The following XKR4 variants were observed in gnomAD, a reference collection of about 807,000 sequenced individuals.
XKR4 encodes the protein XK related 4.
Under a neutral mutation model 53.9 loss-of-function variants are expected in XKR4, and 12 were observed. That is an observed-to-expected ratio of 0.22 (90% CI 0.14 to 0.36). The LOEUF (loss-of-function observed/expected upper bound fraction) is 0.36. Ranked by LOEUF, XKR4 falls within the 10% of genes least tolerant of loss-of-function variation. XKR4 has a pLI of 1.00. For missense variants in XKR4, 799 were observed against 859.5 expected (o/e 0.93, Z 0.88); for synonymous variants, 354 against 362.4 (o/e 0.98, Z 0.26).
chr8:55,475,070 C>T (rs1805957869), intron 2 of XKR4, among the ~76,000 whole-genome samples: 1 of 152,050 alleles, frequency 6.6e-6, no homozygotes, highest in African/African-American at 2.4e-5. Flanking sequence ...CTTATAAATA[C>T]ATGCAAAATA....
At chr8:55,283,214 G>T (rs1162454014) in intron 1 of XKR4, among the ~76,000 whole-genome samples, 5 of 152,200 alleles carry the variant, frequency 3.3e-5, no homozygotes, top group Admixed American at 3.3e-4. Context: ...AGTGATGCAT[G>T]ACTGTAATAA....
chr8:55,224,391 G>T (rs925350836), intron 1 of XKR4, among the ~76,000 whole-genome samples: 1 of 152,126 alleles, frequency 6.6e-6, no homozygotes, highest in African/African-American at 2.4e-5. Flanking sequence ...ATTTGCAAAC[G>T]GATATATTAA....
chr8:55,112,254 C>T (rs1816242173), intron 1 of XKR4, among the ~76,000 whole-genome samples: 1 of 152,082 alleles, frequency 6.6e-6, no homozygotes, highest in Non-Finnish European at 1.5e-5. Context: ...CCATATTTCC[C>T]TGTTGGGGAA....
intron 1 of XKR4, among the ~76,000 whole-genome samples, chr8:55,269,247 T>A (rs1055673500): frequency 6.6e-6 from 1 of 152,218 alleles, no homozygotes; most frequent in African/African-American, 2.4e-5. Context: ...ATTTGTTTAT[T>A]TTGTGGTCTC....
intron 2 of XKR4, among the ~76,000 whole-genome samples, chr8:55,465,804 A>T (rs1475557420): frequency 6.6e-6 from 1 of 151,960 alleles, no homozygotes; most frequent in Non-Finnish European, 1.5e-5. Flanking sequence ...AAAACAAACA[A>T]CCCCATCAAA....
chr8:55,289,637 GAAAGAAAGA>G (rs1563316429), intron 1 of XKR4, among the ~76,000 whole-genome samples: 50 of 116,544 alleles, frequency 4.3e-4, no homozygotes, highest in Middle Eastern at 4.2e-3. Context: ...AAGAAAGAAA[GAAAGAAAGA>G]AAGGAAGGAA....
intron 1 of XKR4, among the ~76,000 whole-genome samples, chr8:55,188,081 G>A (rs891346598): frequency 6.6e-6 from 1 of 152,030 alleles, no homozygotes; most frequent in Non-Finnish European, 1.5e-5. Context: ...AAGTAATGCT[G>A]TTAATTCTGT....
intron 1 of XKR4, among the ~76,000 whole-genome samples, chr8:55,261,506 T>C (rs1818526076): frequency 1.3e-5 from 2 of 152,240 alleles, no homozygotes. Flanking sequence ...TCTTTCATTT[T>C]GAATTCCTTT....
intron 2 of XKR4, among the ~76,000 whole-genome samples, chr8:55,497,634 C>T (rs1806370931): frequency 6.6e-6 from 1 of 152,166 alleles, no homozygotes; most frequent in Admixed American, 6.5e-5. Flanking sequence ...TTGTTCACAC[C>T]CCACATTCAA....
At chr8:55,413,025 G>C (rs1804798082) in intron 2 of XKR4, among the ~76,000 whole-genome samples, 1 of 152,196 alleles carries the variant, frequency 6.6e-6, no homozygotes, top group Non-Finnish European at 1.5e-5. Flanking sequence ...CTGAAGGGCA[G>C]GGATGGAAGA....
At position 55,455,027 on chromosome 8, in the gene XKR4, G is replaced by A. The variant is rs146249518; in HGVS notation, c.1007-68254G>A. 865 of 752,300 alleles carry A rather than the reference G, an allele frequency of 1.1e-3. 6 individuals carry two copies. In the African/African-American group the frequency reaches 0.013, roughly 11 times the overall value. The allele number at this position is 752,300 out of a possible 1,614,324, so 46.6% of individuals were successfully genotyped here. A position where few individuals can be genotyped will look rare whatever the true frequency, so the allele number is the denominator to read the frequency against. On this transcript the variant is annotated intron_variant, in intron 2 of 2. Transcript: ENST00000327381. ...GCAAAACAGCTGGGGGAATGGGTTG[G>A]CCTCCCAGTCCTTCTCCGGGAAGAA... is the stretch of plus-strand genomic sequence containing the variant.
At chr8:55,444,550 A>G (rs1805317263) in intron 2 of XKR4, among the ~76,000 whole-genome samples, 2 of 152,248 alleles carry the variant, frequency 1.3e-5, no homozygotes, top group Non-Finnish European at 2.9e-5. Flanking sequence ...GGCATTTCAC[A>G]GAAGAGGAAA....
At chr8:55,285,852 A>G (rs373185057) in intron 1 of XKR4, among the ~76,000 whole-genome samples, 14 of 152,292 alleles carry the variant, frequency 9.2e-5, no homozygotes, top group African/African-American at 3.4e-4. Context: ...CTCCCCCAAA[A>G]CAGCCATCCT....
At chr8:55,465,560 C>G (rs1161843338) in intron 2 of XKR4, among the ~76,000 whole-genome samples, 7 of 151,794 alleles carry the variant, frequency 4.6e-5, no homozygotes, top group African/African-American at 1.7e-4. Flanking sequence ...CAATACCATT[C>G]AGGACATAGG....
At chr8:55,328,034 G>A (rs776660953) in intron 1 of XKR4, among the ~76,000 whole-genome samples, 14 of 152,036 alleles carry the variant, frequency 9.2e-5, no homozygotes, top group South Asian at 2.1e-4. Context: ...AAAAATACCC[G>A]AGACTGCATA....
chr8:55,499,899 C>T (rs148676685), intron 2 of XKR4, among the ~76,000 whole-genome samples: 269 of 152,252 alleles, frequency 1.8e-3, no homozygotes, highest in African/African-American at 6.2e-3. Flanking sequence ...TTCTCAATCC[C>T]TAGGTGTGCC....
intron 2 of XKR4, among the ~76,000 whole-genome samples, chr8:55,416,817 C>G (rs1804860109): frequency 6.6e-6 from 1 of 152,156 alleles, no homozygotes; most frequent in African/African-American, 2.4e-5. Context: ...AAGCCGTATG[C>G]CCAAGTCTAC....
intron 1 of XKR4, among the ~76,000 whole-genome samples, chr8:55,170,296 C>A (rs1341386196): frequency 6.6e-6 from 1 of 152,130 alleles, no homozygotes. Flanking sequence ...TGTGAATCAA[C>A]TGACTTTCGA....
chr8:55,164,967 C>T (rs2129357722), intron 1 of XKR4, among the ~76,000 whole-genome samples: 1 of 152,288 alleles, frequency 6.6e-6, no homozygotes, highest in South Asian at 2.1e-4. Context: ...CCTTTGAATT[C>T]ACTCGGAGGC....
Sources: gnomAD v4.1 joint callset for allele counts (sites outside exome capture counted in the v4.1 genomes callset) on GRCh38, gnomAD v4.1.1 for gene constraint, MANE v1.5 for transcripts, NCBI Gene and HGNC (gene_info 2026-07-23, HGNC 2026-07-21) for gene names.